Variants in RETREG1 observed in about 807,000 individuals in gnomAD.
The protein encoded by RETREG1 is reticulophagy regulator 1.
Under a neutral mutation model 54.8 loss-of-function variants are expected in RETREG1, and 44 were observed. That is an observed-to-expected ratio of 0.80 (90% CI 0.63 to 1.03). RETREG1 has a LOEUF of 1.03. RETREG1 is among the 50% of genes least tolerant of loss of function. The probability of loss-of-function intolerance (pLI) is 0.00; values close to 1 mark genes in which losing one functional copy is unlikely to be tolerated. For synonymous variants in RETREG1, 217 were observed against 238.5 expected (o/e 0.91, Z 0.83); for missense variants, 554 against 605.1 (o/e 0.92, Z 0.89).
intron 3 of RETREG1, among the ~76,000 whole-genome samples, chr5:16,531,640 TC>T (rs1740920343): frequency 1.3e-5 from 2 of 151,986 alleles, no homozygotes; most frequent in Non-Finnish European, 2.9e-5. Context: ...AAGGGGTGCC[TC>T]TGTTAAGTTA....
chr5:16,534,396 C>A (rs1174149256), intron 3 of RETREG1, among the ~76,000 whole-genome samples: 1 of 152,334 alleles, frequency 6.6e-6, no homozygotes, highest in African/African-American at 2.4e-5. Context: ...AGGTACCCAT[C>A]CCACTGCCTG....
chr5:16,507,480 T>C (rs1277168955), intron 3 of RETREG1, among the ~76,000 whole-genome samples: 1 of 152,220 alleles, frequency 6.6e-6, no homozygotes, highest in African/African-American at 2.4e-5. Context: ...AGTTAACCCA[T>C]ATCCCACTCT....
rs1020222097 is a variant in RETREG1, at chr5:16,514,932, T to C, written c.459-31460A>G. Among the ~76,000 whole-genome samples the C allele has an allele frequency of 2.7e-5, 4 of 147,776 alleles. No homozygotes were observed. In the Admixed American group the frequency reaches 2.7e-4, roughly 10 times the overall value. ...ATATATAATATATATTATATAAATA[T>C]ATGTGCATATATATTATATATGTGT... On this transcript the variant is annotated intron_variant, in intron 3 of 8. Transcript: ENST00000306320.
intron 1 of RETREG1, among the ~76,000 whole-genome samples, chr5:16,577,168 GT>G (rs1320140335): frequency 6.6e-6 from 1 of 152,006 alleles, no homozygotes; most frequent in Non-Finnish European, 1.5e-5. Context: ...CTCCAATAAA[GT>G]TTTCCAGCTT....
intron 8 of RETREG1, among the ~76,000 whole-genome samples, chr5:16,475,914 AT>A (rs758319935): frequency 6.6e-6 from 1 of 152,208 alleles, no homozygotes. Flanking sequence ...AAATCTTTTA[AT>A]ATAACAGTTA....
intron 3 of RETREG1, among the ~76,000 whole-genome samples, chr5:16,550,275 TAAA>T (rs5866190): frequency 6.7e-6 from 1 of 148,246 alleles, no homozygotes. Flanking sequence ...CTTTAAAATT[TAAA>T]AAAAAAAAAG....
chr5:16,543,454 T>C lies in RETREG1; in HGVS notation c.458+22309A>G, dbSNP rs138016082. On this transcript the variant is annotated intron_variant, in intron 3 of 8. Transcript: ENST00000306320. ...ACTTTGGGAGGCCAAGGCAGACTGA[T>C]CACATAAGGTCAGGAGTTCGAAACC... Among the ~76,000 whole-genome samples, 235 of 152,262 alleles carry C rather than the reference T, an allele frequency of 1.5e-3. 2 individuals carry two copies. In the South Asian group the frequency reaches 0.03, roughly 20 times the overall value.
At chr5:16,526,444 TC>T (rs1183032018) in intron 3 of RETREG1, among the ~76,000 whole-genome samples, 1 of 151,406 alleles carries the variant, frequency 6.6e-6, no homozygotes, top group Non-Finnish European at 1.5e-5. Flanking sequence ...TCCCAGAGGC[TC>T]CCCCCAAGCA....
At chr5:16,596,987 T>A (rs1019002426) in intron 1 of RETREG1, among the ~76,000 whole-genome samples, 1 of 152,212 alleles carries the variant, frequency 6.6e-6, no homozygotes, top group African/African-American at 2.4e-5. Flanking sequence ...TGCTTACCTA[T>A]GTACTAGAAG....
intron 3 of RETREG1, among the ~76,000 whole-genome samples, chr5:16,547,478 G>A (rs192271010): frequency 1.4e-4 from 22 of 152,284 alleles, no homozygotes; most frequent in Non-Finnish European, 1.6e-4. Flanking sequence ...GGAACTGTTG[G>A]CGCTCTTAAC....
intron 3 of RETREG1, among the ~76,000 whole-genome samples, chr5:16,514,696 C>T (rs1740288694): frequency 6.6e-6 from 1 of 151,776 alleles, no homozygotes; most frequent in Non-Finnish European, 1.5e-5. Flanking sequence ...CCACCATTCC[C>T]CCCAAGTCCC....
intron 3 of RETREG1, chr5:16,508,549 A>G: frequency 3.8e-6 from 6 of 1,596,770 alleles, no homozygotes; most frequent in Non-Finnish European, 5.2e-6. Context: ...AGACTGAAGA[A>G]TAAGTACGTA....
At chr5:16,527,896 G>A (rs1263009396) in intron 3 of RETREG1, among the ~76,000 whole-genome samples, 2 of 134,458 alleles carry the variant, frequency 1.5e-5, no homozygotes, top group Non-Finnish European at 1.5e-5. Flanking sequence ...TGCAAGCTCC[G>A]CCTCCTGGGT....
intron 3 of RETREG1, among the ~76,000 whole-genome samples, chr5:16,562,830 C>A (rs1314261588): frequency 1.3e-5 from 2 of 152,074 alleles, no homozygotes; most frequent in African/African-American, 4.8e-5. Context: ...CAAATAAATG[C>A]AATGTGGGAT....
In RETREG1 at chr5:16,603,109, G is replaced by A. The variant is rs543176358; in HGVS notation, c.320+13543C>T. On this transcript the variant is annotated intron_variant, in intron 1 of 8. Coordinates refer to ENST00000306320, the MANE Select transcript of RETREG1 (RefSeq NM_001034850.3). The stretch of plus-strand genomic sequence containing the variant: ...AACAGTCGCTCCTAGAAACAGGACT[G>A]GGAAGTAAGGTGAGACAGGGTAAGA... Among the ~76,000 whole-genome samples, 6 of 152,278 alleles carry A rather than the reference G, an allele frequency of 3.9e-5. No homozygotes were observed. The South Asian group carries it at 1.2e-3, about 32-fold the overall frequency.
At chr5:16,562,752 C>A (rs764875943) in intron 3 of RETREG1, among the ~76,000 whole-genome samples, 5 of 152,206 alleles carry the variant, frequency 3.3e-5, no homozygotes, top group Non-Finnish European at 5.9e-5. Flanking sequence ...CTCAAAACTG[C>A]CCATATCAAC....
At chr5:16,610,778 A>T (rs1467055352) in intron 1 of RETREG1, among the ~76,000 whole-genome samples, 1 of 152,194 alleles carries the variant, frequency 6.6e-6, no homozygotes, top group East Asian at 1.9e-4. Flanking sequence ...GAGGATGTGG[A>T]GAAATAGGAA....
rs1579621672 is a variant in RETREG1, at chr5:16,505,544, C to T, written c.459-22072G>A. Among the ~76,000 whole-genome samples the T allele has an allele frequency of 2.0e-5, 3 of 152,334 alleles. No homozygotes were observed. In the South Asian group the frequency reaches 6.2e-4, roughly 32 times the overall value. On this transcript the variant is annotated intron_variant, in intron 3 of 8. Coordinates refer to ENST00000306320, the MANE Select transcript of RETREG1 (RefSeq NM_001034850.3). The stretch of plus-strand genomic sequence containing the variant: ...AAGCCCTACCAAGTGAAGCAATGAA[C>T]ATGTGAACACAATTATCCGGAAGTT...
intron 3 of RETREG1, among the ~76,000 whole-genome samples, chr5:16,539,044 C>T (rs1321862053): frequency 1.3e-5 from 2 of 152,202 alleles, no homozygotes; most frequent in South Asian, 2.1e-4. Flanking sequence ...ACTCTGCATT[C>T]CAAGATTTTT....
Sources: allele counts gnomAD v4.1 joint callset (sites outside exome capture counted in the v4.1 genomes callset), GRCh38; gene constraint gnomAD v4.1.1; transcripts MANE v1.5; gene names NCBI Gene and HGNC (gene_info 2026-07-23, HGNC 2026-07-21).